RBFOX1: variants seen among roughly 807,000 people sequenced by gnomAD.
RBFOX1 encodes RNA binding protein fox-1 homolog 1.
Under a neutral mutation model 57.7 loss-of-function variants are expected in RBFOX1, and 8 were observed. The ratio of observed to expected loss-of-function variants is 0.14; its 90% CI spans 0.08 to 0.25. The LOEUF is 0.25. Among genes scored for constraint, RBFOX1 ranks in the 10% least tolerant of loss-of-function variants. The probability of loss-of-function intolerance (pLI) is 1.00; values close to 1 mark genes in which losing one functional copy is unlikely to be tolerated. For missense variants in RBFOX1, 611 were observed against 548.5 expected (o/e 1.11, Z -1.14); for synonymous variants, 326 against 222.4 (o/e 1.47, Z -4.15).
chr16:6,878,982 A>G lies in RBFOX1; in HGVS notation c.-15-173075A>G, dbSNP rs527763288. ...AACTGAGATAAATAAAATGACTTGT[A>G]TAAGGTCATGCAAATGCTAATAAGC... On this transcript the variant is annotated intron_variant, in intron 3 of 15. Transcript: ENST00000550418. 5.9e-5 allele frequency among the ~76,000 whole-genome samples: 9 copies of G among 152,196 alleles called. 1 individual carries two copies. The highest frequency in any genetic ancestry group is 6.6e-5 in the Admixed American group (1 of 15,266).
chr16:5,682,123 C>T (rs190768402), intron 3 of RBFOX1, among the ~76,000 whole-genome samples: 8 of 152,240 alleles, frequency 5.3e-5, no homozygotes, highest in Admixed American at 1.3e-4. Flanking sequence ...CGTTTCATGT[C>T]GGGCACTGGG....
intron 4 of RBFOX1, among the ~76,000 whole-genome samples, chr16:7,436,510 G>A (rs991128003): frequency 4.6e-5 from 7 of 152,208 alleles, no homozygotes; most frequent in African/African-American, 1.2e-4. Context: ...ACAGCATGGC[G>A]TTATGCCTCA....
At chr16:6,261,619 A>G (rs1463033245) in intron 1 of RBFOX1, among the ~76,000 whole-genome samples, 1 of 151,302 alleles carries the variant, frequency 6.6e-6, no homozygotes, top group Non-Finnish European at 1.5e-5. Context: ...TGTCCACATT[A>G]TGGTGTTTTC....
intron 1 of RBFOX1, among the ~76,000 whole-genome samples, chr16:6,149,663 G>T (rs2096784061): frequency 6.6e-6 from 1 of 152,138 alleles, no homozygotes; most frequent in Non-Finnish European, 1.5e-5. Context: ...GCTTTCCTGG[G>T]TTGGGCAAAA....
downstream of RBFOX1, among the ~76,000 whole-genome samples, chr16:5,604,904 T>A (rs72763279): frequency 6.6e-6 from 1 of 152,192 alleles, no homozygotes; most frequent in Non-Finnish European, 1.5e-5. Flanking sequence ...CGTCCCCTGC[T>A]GCAGTCTCAG....
chr16:7,138,855 C>G (rs1026402868), intron 4 of RBFOX1, among the ~76,000 whole-genome samples: 3 of 152,282 alleles, frequency 2.0e-5, no homozygotes, highest in African/African-American at 7.2e-5. Context: ...GCTGCCTAGC[C>G]TGGAGTGCAA....
chr16:7,224,247 T>C (rs1205518075), intron 4 of RBFOX1, among the ~76,000 whole-genome samples: 6 of 151,264 alleles, frequency 4.0e-5, no homozygotes, highest in Admixed American at 2.6e-4. Context: ...TAAAATGGCT[T>C]CTTTTAGTCA....
chr16:5,280,638 G>C (rs1201147973), intron 1 of RBFOX1, among the ~76,000 whole-genome samples: 1 of 152,110 alleles, frequency 6.6e-6, no homozygotes, highest in Non-Finnish European at 1.5e-5. Flanking sequence ...CAGGTTTTCT[G>C]TTTCTTCCTA....
At chr16:7,342,559 C>G (rs1282225972) in intron 4 of RBFOX1, among the ~76,000 whole-genome samples, 1 of 152,062 alleles carries the variant, frequency 6.6e-6, no homozygotes, top group Admixed American at 6.6e-5. Context: ...TTTGATAAAT[C>G]GAGATGCTCT....
chr16:6,628,546 C>G (rs1057365244), intron 2 of RBFOX1, among the ~76,000 whole-genome samples: 1 of 152,106 alleles, frequency 6.6e-6, no homozygotes, highest in Non-Finnish European at 1.5e-5. Flanking sequence ...CTTCATCTAC[C>G]AATCCACCTC....
At chr16:7,207,825 C>T (rs1337568600) in intron 4 of RBFOX1, among the ~76,000 whole-genome samples, 1 of 152,188 alleles carries the variant, frequency 6.6e-6, no homozygotes, top group Non-Finnish European at 1.5e-5. Context: ...AGGCCACCAT[C>T]TATCACCAGA....
intron 1 of RBFOX1, among the ~76,000 whole-genome samples, chr16:5,315,376 T>A (rs1170130917): frequency 1.3e-5 from 2 of 152,210 alleles, no homozygotes; most frequent in East Asian, 3.8e-4. Flanking sequence ...GACAGGGATG[T>A]GCTTAGAATT....
At chr16:6,285,469 C>T (rs545504800) in intron 1 of RBFOX1, among the ~76,000 whole-genome samples, 1 of 152,176 alleles carries the variant, frequency 6.6e-6, no homozygotes, top group Non-Finnish European at 1.5e-5. Context: ...TCCCACATCT[C>T]TACATATGGC....
chr16:6,863,724 G>GTTTTTTTTTTTTTTTTTT, intron 3 of RBFOX1, among the ~76,000 whole-genome samples: 1 of 32,154 alleles, frequency 3.1e-5, no homozygotes, highest in Non-Finnish European at 5.5e-5. Flanking sequence ...GGATGCCTGC[G>GTTTTTTTTTTTTTTTTTT]CTTTTTTTTT....
chr16:7,419,455 G>A (rs914465988), intron 4 of RBFOX1, among the ~76,000 whole-genome samples: 1 of 152,226 alleles, frequency 6.6e-6, no homozygotes. Context: ...AATGCAACCG[G>A]CACCTTTGAG....
chr16:6,903,786 C>A, intron 3 of RBFOX1, among the ~76,000 whole-genome samples: 1 of 152,102 alleles, frequency 6.6e-6, no homozygotes, highest in Admixed American at 6.6e-5. Flanking sequence ...TCGGAGCTGC[C>A]GCTGCTTAGC....
chr16:5,904,216 C>T (rs925062062), intron 4 of RBFOX1, among the ~76,000 whole-genome samples: 13 of 152,020 alleles, frequency 8.6e-5, no homozygotes, highest in African/African-American at 2.9e-4. Context: ...TCTCGGCAAG[C>T]CTTGAAATTC....
chr16:5,998,081 A>T (rs982338067), intron 4 of RBFOX1, among the ~76,000 whole-genome samples: 17 of 152,200 alleles, frequency 1.1e-4, no homozygotes, highest in African/African-American at 4.1e-4. Context: ...TTGAGTTTCA[A>T]GACTGTATAA....
intron 3 of RBFOX1, among the ~76,000 whole-genome samples, chr16:6,981,228 C>T (rs1483669954): frequency 3.3e-5 from 5 of 151,694 alleles, no homozygotes; most frequent in African/African-American, 1.2e-4. Flanking sequence ...GGTATTAAGC[C>T]TAGTACTCAT....
Sources: allele counts gnomAD v4.1 joint callset (sites outside exome capture counted in the v4.1 genomes callset), GRCh38; gene constraint gnomAD v4.1.1; transcripts MANE v1.5; gene names NCBI Gene and HGNC (gene_info 2026-07-23, HGNC 2026-07-21).